IER3IP1: variants seen among roughly 807,000 people sequenced by gnomAD.
The protein encoded by IER3IP1 is immediate early response 3 interacting protein 1, also known as immediate early response 3-interacting protein 1.
A neutral mutation model predicts 12.2 loss-of-function variants in IER3IP1; 16 were observed. The ratio of observed to expected loss-of-function variants is 1.31; its 90% CI spans 0.89 to 1.99. IER3IP1 has a LOEUF of 1.99. IER3IP1 is among the 30% of genes most tolerant of loss of function. The pLI, the probability that IER3IP1 is intolerant of heterozygous loss-of-function variation, is 0.00. For synonymous variants in IER3IP1, 42 were observed against 40.0 expected (o/e 1.05, Z -0.19); for missense variants, 95 against 95.8 (o/e 0.99, Z 0.03).
In IER3IP1 at chr18:47,153,174, C is replaced by T. The variant is rs1184018373; in HGVS notation, c.*3003G>A. Reference sequence around the variant, plus strand: ...CACAGATTGCCTACTCTTATTGTATCTAAAGCAAGGATTTTGATGGGGAGA... The same window carrying T: ...CACAGATTGCCTACTCTTATTGTATTTAAAGCAAGGATTTTGATGGGGAGA... On this transcript the variant is annotated 3_prime_UTR_variant, in exon 3 of 3. Transcript: ENST00000256433. 6.6e-6 allele frequency: 1 copy of T among 152,188 alleles called. No homozygotes were observed. Among genetic ancestry groups the T allele is most frequent in the Non-Finnish European group, 1.5e-5 (1 of 68,052 alleles). The allele number at this position is 152,188 out of a possible 1,614,324, so 9.4% of individuals were successfully genotyped here. A position where few individuals can be genotyped will look rare whatever the true frequency, so the allele number is the denominator to read the frequency against.
intron 1 of IER3IP1, among the ~76,000 whole-genome samples, chr18:47,160,345 T>G (rs2063976012): frequency 1.3e-5 from 2 of 152,258 alleles, no homozygotes; most frequent in South Asian, 2.1e-4. Flanking sequence ...CATCACTGTC[T>G]TCTTACCCTA....
intron 1 of IER3IP1, among the ~76,000 whole-genome samples, chr18:47,169,612 A>T (rs928853941): frequency 2.0e-5 from 3 of 151,412 alleles, no homozygotes; most frequent in African/African-American, 7.3e-5. Flanking sequence ...TATTATATTT[A>T]TTATTTATTA....
At chr18:47,163,573 C>T (rs750216035) in intron 1 of IER3IP1, among the ~76,000 whole-genome samples, 4 of 152,196 alleles carry the variant, frequency 2.6e-5, no homozygotes, top group Non-Finnish European at 5.9e-5. Flanking sequence ...TATACTTGTG[C>T]TCGCTCAAGC....
At chr18:47,173,684 A>G (rs533262513) in intron 1 of IER3IP1, among the ~76,000 whole-genome samples, 29 of 152,316 alleles carry the variant, frequency 1.9e-4, no homozygotes, top group Non-Finnish European at 3.7e-4. Flanking sequence ...TAGGGCTGCC[A>G]TAACAAAGCA....
At chr18:47,159,380 T>G (rs965754334) in intron 1 of IER3IP1, among the ~76,000 whole-genome samples, 27 of 152,346 alleles carry the variant, frequency 1.8e-4, no homozygotes, top group African/African-American at 5.8e-4. Flanking sequence ...TTTCTTTATT[T>G]ACTGAGGAAG....
intron 1 of IER3IP1, among the ~76,000 whole-genome samples, chr18:47,174,495 C>T (rs1447330808): frequency 6.6e-6 from 1 of 152,020 alleles, no homozygotes; most frequent in Non-Finnish European, 1.5e-5. Flanking sequence ...ATGGTGAAAC[C>T]CCATTTCTAC....
intron 1 of IER3IP1, among the ~76,000 whole-genome samples, chr18:47,160,946 T>A (rs1243768960): frequency 2.0e-5 from 3 of 152,202 alleles, no homozygotes; most frequent in Non-Finnish European, 4.4e-5. Context: ...ATACTACAAA[T>A]CATTATTTCT....
chr18:47,160,899 CTG>C (rs1286663773), intron 1 of IER3IP1, among the ~76,000 whole-genome samples: 2 of 152,304 alleles, frequency 1.3e-5, no homozygotes, highest in East Asian at 1.9e-4. Flanking sequence ...CTCTTATTCT[CTG>C]TGAGTCTTTT....
intron 1 of IER3IP1, among the ~76,000 whole-genome samples, chr18:47,174,723 C>T (rs2064026289): frequency 6.6e-6 from 1 of 151,872 alleles, no homozygotes; most frequent in Non-Finnish European, 1.5e-5. Flanking sequence ...TCCAATCTTT[C>T]CTCCGTATTG....
intron 1 of IER3IP1, among the ~76,000 whole-genome samples, chr18:47,158,131 T>G (rs2063967430): frequency 6.6e-6 from 1 of 152,242 alleles, no homozygotes; most frequent in Admixed American, 6.5e-5. Flanking sequence ...ATCCCCAAAA[T>G]GACAAGAAAT....
At chr18:47,157,251 A>G in intron 2 of IER3IP1, 185 bp downstream of exon 2, 1 of 613,728 alleles carries the variant, frequency 1.6e-6, no homozygotes, top group Non-Finnish European at 2.9e-6. Flanking sequence ...ACTGGCTTAG[A>G]TAGAAGTAAG....
Position 47,157,655 on chromosome 18 carries a change from T to C in IER3IP1, c.92-118A>G, listed in dbSNP as rs940778364. 9 of 891,498 alleles carry C rather than the reference T, an allele frequency of 1.0e-5. No individual in the cohort carries two copies. In the African/African-American group the frequency reaches 1.3e-4, roughly 13 times the overall value. The allele number at this position is 891,498 out of a possible 1,614,324, so 55.2% of individuals were successfully genotyped here. A position where few individuals can be genotyped will look rare whatever the true frequency, so the allele number is the denominator to read the frequency against. On this transcript the variant is annotated intron_variant, in intron 1 of 2. Transcript: ENST00000256433. ...AAGACAAAGTAGAAAGTCATATGAC[T>C]TTTAAGAAAAGTTAAAACAATAATG...
intron 1 of IER3IP1, among the ~76,000 whole-genome samples, chr18:47,169,866 C>A (rs2064009585): frequency 6.6e-6 from 1 of 151,890 alleles, no homozygotes; most frequent in Admixed American, 6.6e-5. Context: ...CATTAGATAC[C>A]TGAGTTGTAA....
At position 47,172,950 on chromosome 18, in the gene IER3IP1, T is replaced by G. The variant is rs1028626849; in HGVS notation, c.91+3237A>C. 3.3e-5 allele frequency among the ~76,000 whole-genome samples: 5 copies of G among 152,198 alleles called. No homozygotes were observed. The highest frequency in any genetic ancestry group is 2.0e-4 in the Admixed American group (3 of 15,284). On this transcript the variant is annotated intron_variant, in intron 1 of 2. Transcript: ENST00000256433. This position sits in a 1 kb window ranked among gnomAD's most constrained non-coding sequence, Gnocchi z 4.0. Reference sequence around the variant, plus strand: ...CTAAACAATAAATACTAGAGGAGATTCTAGGGCTGTCTGGGGCACCAATTC... The same window carrying G: ...CTAAACAATAAATACTAGAGGAGATGCTAGGGCTGTCTGGGGCACCAATTC...
intron 1 of IER3IP1, among the ~76,000 whole-genome samples, chr18:47,167,771 G>C (rs1189992850): frequency 6.6e-6 from 1 of 152,126 alleles, no homozygotes; most frequent in Non-Finnish European, 1.5e-5. Flanking sequence ...CAAGAACCAA[G>C]TATTTCTCTT....
rs3087769 is a variant in IER3IP1, at chr18:47,156,146, T to C, written c.*31A>G. 1 of 1,334,124 alleles carries C rather than the reference T, an allele frequency of 7.5e-7. No homozygotes were observed. The highest frequency in any genetic ancestry group is 1.7e-5 in the Admixed American group (1 of 59,532). 82.6% of individuals were successfully genotyped at this position (1,334,124 alleles called of 1,614,324 possible). A position where few individuals can be genotyped will look rare whatever the true frequency, so the allele number is the denominator to read the frequency against. On this transcript the variant is annotated 3_prime_UTR_variant, in exon 3 of 3. Coordinates refer to ENST00000256433, the MANE Select transcript of IER3IP1 (RefSeq NM_016097.5). ...AGTAATAACTTCTACTGGCATGTCC[T>C]CTTCTGAGTCTCCATTTTCTCCACT...
chr18:47,158,585 A>G (rs1219576852), intron 1 of IER3IP1, among the ~76,000 whole-genome samples: 1 of 150,992 alleles, frequency 6.6e-6, no homozygotes, highest in Non-Finnish European at 1.5e-5. Flanking sequence ...CAAGCGATCG[A>G]CCCACTTTGG....
At chr18:47,174,017 T>C (rs1286008235) in intron 1 of IER3IP1, among the ~76,000 whole-genome samples, 1 of 152,228 alleles carries the variant, frequency 6.6e-6, no homozygotes, top group Non-Finnish European at 1.5e-5. Flanking sequence ...CTTAACTTGA[T>C]TATATCTGCA....
chr18:47,169,903 T>A (rs1349527052), intron 1 of IER3IP1, among the ~76,000 whole-genome samples: 1 of 152,196 alleles, frequency 6.6e-6, no homozygotes, highest in Non-Finnish European at 1.5e-5. Flanking sequence ...TGTGGTTGTC[T>A]TTTAAAGCAT....
Sources: gnomAD v4.1 joint callset for allele counts (sites outside exome capture counted in the v4.1 genomes callset) on GRCh38, gnomAD v4.1.1 for gene constraint, Gnocchi (gnomAD v3.1) non-coding constraint, MANE v1.5 for transcripts, NCBI Gene and HGNC (gene_info 2026-07-23, HGNC 2026-07-21) for gene names.